SULT6B1: variants seen among roughly 807,000 people sequenced by gnomAD.
SULT6B1 encodes the protein sulfotransferase family 6B member 1.
Under a neutral mutation model 37.2 loss-of-function variants are expected in SULT6B1, and 44 were observed. That is an observed-to-expected ratio of 1.18 (90% CI 0.93 to 1.52). The LOEUF is 1.52. SULT6B1 is among the 40% of genes most tolerant of loss of function. The probability of loss-of-function intolerance (pLI) is 0.00; values close to 1 mark genes in which losing one functional copy is unlikely to be tolerated. For synonymous variants in SULT6B1, 140 were observed against 126.0 expected (o/e 1.11, Z -0.74); for missense variants, 450 against 361.0 (o/e 1.25, Z -2.00).
rs965639856 is a variant in SULT6B1 at position 37,175,058 on chromosome 2, C to G, written c.624+74G>C. 25 of 809,852 alleles carry G rather than the reference C, an allele frequency of 3.1e-5. No individual in the cohort carries two copies. The East Asian group carries it at 6.7e-4, about 22-fold the overall frequency. The allele number at this position is 809,852 out of a possible 1,614,324, so 50.2% of individuals were successfully genotyped here. On this transcript the variant is annotated intron_variant, in intron 5 of 6. Coordinates refer to ENST00000535679, the MANE Select transcript of SULT6B1 (RefSeq NM_001367551.1). Reference sequence around the variant, plus strand: ...TGAACACCATATTTGTTTATACAAACAGACATTATAAGTAAGTGCTCTACG... The same window carrying G: ...TGAACACCATATTTGTTTATACAAAGAGACATTATAAGTAAGTGCTCTACG...
At chr2:37,188,021 T>A (rs962539396) in intron 1 of SULT6B1, among the ~76,000 whole-genome samples, 1 of 152,214 alleles carries the variant, frequency 6.6e-6, no homozygotes, top group African/African-American at 2.4e-5. Context: ...TGGAGCAATA[T>A]TTGATCCTGA....
Position 37,184,224 on chromosome 2 carries a change from C to T in SULT6B1, c.313-710G>A, listed in dbSNP as rs541255847. Among the ~76,000 whole-genome samples the T allele has an allele frequency of 7.7e-4, 117 of 152,240 alleles. 1 individual carries two copies. The South Asian group carries it at 0.022, about 28-fold the overall frequency. On this transcript the variant is annotated intron_variant, in intron 2 of 6. Transcript: ENST00000535679. ...TAGTCAAGTCTTTCCACAGTTCCTG[C>T]GAATCCATTTTTAACATCTAAATCT...
chr2:37,179,449 C>G lies in SULT6B1; in HGVS notation c.529+9G>C. 6.2e-7 allele frequency: 1 copy of G among 1,612,574 alleles called. No individual in the cohort carries two copies. Among genetic ancestry groups the G allele is most frequent in the South Asian group, 1.1e-5 (1 of 90,680 alleles). On this transcript the variant is annotated intron_variant, in intron 4 of 6. Transcript: ENST00000535679. ...CAAGTAAGAATAATTCTTTTACCAA[C>G]AGCCATACCTTGTCCTTTCATGAAC...
chr2:37,178,098 G>A (rs565054079), intron 4 of SULT6B1, among the ~76,000 whole-genome samples: 2 of 152,114 alleles, frequency 1.3e-5, no homozygotes, highest in Non-Finnish European at 2.9e-5. Flanking sequence ...AGGCTGGAGT[G>A]CAATGGTGCC....
chr2:37,195,812 T>A (rs564739366), intron 1 of SULT6B1, among the ~76,000 whole-genome samples: 1 of 137,770 alleles, frequency 7.3e-6, no homozygotes, highest in South Asian at 2.4e-4. Context: ...CAGTTTCAGA[T>A]TCAGTAGTTC....
chr2:37,181,262 A>G (rs1169062218), intron 3 of SULT6B1, among the ~76,000 whole-genome samples: 1 of 152,190 alleles, frequency 6.6e-6, no homozygotes, highest in Non-Finnish European at 1.5e-5. Flanking sequence ...ACTACCACTC[A>G]GTTGCCCTGG....
At chr2:37,188,415 A>G in intron 1 of SULT6B1, 27 bp downstream of exon 1, 2 of 1,589,486 alleles carry the variant, frequency 1.3e-6, no homozygotes, top group East Asian at 2.2e-5. Flanking sequence ...TGAGAAGTGT[A>G]CTTGTAGGAA....
chr2:37,179,618 T>C (rs4459710), intron 3 of SULT6B1, 34 bp from the exon 4 acceptor site: 458,104 of 1,588,574 alleles, frequency 0.29, 75,608 homozygotes, highest in East Asian at 0.76. Flanking sequence ...TTTATTTGGG[T>C]CTATGTTTTG....
chr2:37,188,790 C>T (rs374804217), upstream of SULT6B1: 171 of 478,850 alleles, frequency 3.6e-4, 1 homozygote, highest in African/African-American at 3.2e-3. Flanking sequence ...CTCACTATTA[C>T]ATATCCTCCT....
At chr2:37,192,139 T>A (rs1287086374), upstream of SULT6B1, among the ~76,000 whole-genome samples, 1 of 152,240 alleles carries the variant, frequency 6.6e-6, no homozygotes, top group South Asian at 2.1e-4. Context: ...AAAACCTGCA[T>A]CACTAAAACA....
chr2:37,186,829 G>A (rs995048523), intron 2 of SULT6B1, among the ~76,000 whole-genome samples: 6 of 152,260 alleles, frequency 3.9e-5, no homozygotes, highest in Non-Finnish European at 8.8e-5. Context: ...CCAGGAGGTC[G>A]AGGCTGCAGT....
At chr2:37,171,655 AC>A in intron 5 of SULT6B1, 65 bp from the exon 6 acceptor site, 3 of 1,511,984 alleles carry the variant, frequency 2.0e-6, no homozygotes, top group South Asian at 2.5e-5. Flanking sequence ...GCTGAGACAG[AC>A]TTTTTAGTCA....
chr2:37,192,703 T>C (rs1676804786), upstream of SULT6B1, among the ~76,000 whole-genome samples: 2 of 152,228 alleles, frequency 1.3e-5, no homozygotes, highest in South Asian at 2.1e-4. Context: ...ATTTAAAACA[T>C]TGATTCAAAC....
upstream of SULT6B1, among the ~76,000 whole-genome samples, chr2:37,193,646 AAGAAGG>A (rs1197434872): frequency 1.1e-4 from 16 of 142,018 alleles, no homozygotes; most frequent in Middle Eastern, 3.6e-3. Flanking sequence ...GAAGAAGAAG[AAGAAGG>A]AGAAGAAGGA....
At chr2:37,188,716 C>A (rs773818189), upstream of SULT6B1, 1 of 596,416 alleles carries the variant, frequency 1.7e-6, no homozygotes. Flanking sequence ...TGGGCAGGGG[C>A]TGGAATAAAG....
At chr2:37,188,723 A>G, upstream of SULT6B1, 1 of 581,844 alleles carries the variant, frequency 1.7e-6, no homozygotes, top group East Asian at 2.9e-5. Flanking sequence ...GGGCTGGAAT[A>G]AAGGGCTCCT....
intron 2 of SULT6B1, 22 bp downstream of exon 2, chr2:37,187,333 G>A (rs757396288): frequency 2.1e-6 from 3 of 1,444,474 alleles, no homozygotes; most frequent in African/African-American, 1.4e-5. Context: ...TTGCTGTAAG[G>A]TTAAAGGCTG....
chr2:37,180,792 G>A (rs2148293142), intron 3 of SULT6B1, among the ~76,000 whole-genome samples: 1 of 152,298 alleles, frequency 6.6e-6, no homozygotes, highest in South Asian at 2.1e-4. Flanking sequence ...GCTGAGGCAG[G>A]AGAATTGGTT....
intron 5 of SULT6B1, among the ~76,000 whole-genome samples, chr2:37,174,738 T>C (rs80046349): frequency 0.023 from 3,542 of 152,350 alleles, 66 homozygotes; most frequent in Middle Eastern, 0.058. Context: ...CAGGGCCTAA[T>C]TGGTGAGCAA....
Sources: gnomAD v4.1 joint callset for allele counts (sites outside exome capture counted in the v4.1 genomes callset) on GRCh38, gnomAD v4.1.1 for gene constraint, MANE v1.5 for transcripts, NCBI Gene and HGNC (gene_info 2026-07-23, HGNC 2026-07-21) for gene names.